Variants in ME1 observed in about 807,000 individuals in gnomAD.
ME1 encodes malic enzyme 1.
ME1 carries 74 observed loss-of-function variants against 66.4 expected under a neutral mutation model. The ratio of observed to expected loss-of-function variants is 1.11; its 90% confidence interval spans 0.92 to 1.35. ME1 has a LOEUF of 1.35. Ranked by LOEUF, ME1 falls within the 40% of genes most tolerant of loss-of-function variation. ME1 has a pLI of 0.00. For synonymous variants in ME1, 251 were observed against 235.6 expected (o/e 1.07, Z -0.60); for missense variants, 750 against 694.1 (o/e 1.08, Z -0.90).
intron 11 of ME1, among the ~76,000 whole-genome samples, chr6:83,225,617 T>G (rs548339998): frequency 4.6e-5 from 7 of 152,156 alleles, no homozygotes; most frequent in Middle Eastern, 3.4e-3. Context: ...GAAAAACAAA[T>G]TCTCATCTAG....
intron 12 of ME1, among the ~76,000 whole-genome samples, chr6:83,217,834 T>A (rs957343358): frequency 6.6e-6 from 1 of 152,002 alleles, no homozygotes; most frequent in Non-Finnish European, 1.5e-5. Context: ...GGTACAGAAA[T>A]AAGGACTGGA....
chr6:83,308,122 T>G (rs1767859413), intron 6 of ME1, among the ~76,000 whole-genome samples: 1 of 152,134 alleles, frequency 6.6e-6, no homozygotes, highest in Non-Finnish European at 1.5e-5. Context: ...ACTAAGATTA[T>G]TTCTCTTAAA....
chr6:83,252,344 A>C (rs1317077371), intron 7 of ME1, among the ~76,000 whole-genome samples: 1 of 151,996 alleles, frequency 6.6e-6, no homozygotes, highest in East Asian at 1.9e-4. Context: ...CACAGGCTGG[A>C]GTGCAGTGGC....
Position 83,253,752 on chromosome 6 carries a change from A to G in ME1, c.705-14T>C. 7.6e-7 allele frequency: 1 copy of G among 1,322,622 alleles called. No individual in the cohort carries two copies. The highest frequency in any genetic ancestry group is 1.1e-6 in the Non-Finnish European group (1 of 919,150). 81.9% of individuals were successfully genotyped at this position (1,322,622 alleles called of 1,614,324 possible). On this transcript the variant is annotated splice_polypyrimidine_tract_variant and intron_variant, in intron 6 of 13. Coordinates refer to ENST00000369705, the MANE Select transcript of ME1 (RefSeq NM_002395.6). Reference sequence around the variant, plus strand: ...TTCATGCCATACCTATGGGACAAAAACATTCATATTAGAAGAGGTTAATAA... The same window carrying G: ...TTCATGCCATACCTATGGGACAAAAGCATTCATATTAGAAGAGGTTAATAA...
At chr6:83,314,324 T>C (rs914433782) in intron 6 of ME1, among the ~76,000 whole-genome samples, 2 of 152,198 alleles carry the variant, frequency 1.3e-5, no homozygotes, top group African/African-American at 2.4e-5. Context: ...AGCGCTGATA[T>C]GATGCCACCA....
intron 6 of ME1, among the ~76,000 whole-genome samples, chr6:83,279,957 G>A (rs1366630024): frequency 2.0e-5 from 3 of 152,170 alleles, no homozygotes; most frequent in African/African-American, 4.8e-5. Flanking sequence ...AGCAAGAAGA[G>A]TGTGGGGTTA....
At position 83,214,428 on chromosome 6, in the gene ME1, C is replaced by T. The variant is rs1489919285; in HGVS notation, c.1548+2070G>A. 4.6e-5 allele frequency among the ~76,000 whole-genome samples: 7 copies of T among 152,056 alleles called. No individual in the cohort carries two copies. The East Asian group carries it at 1.4e-3, about 29-fold the overall frequency. ...AAAGTCTCTGATAACTTGTTAAGTA[C>T]CAAATAAAAGTCTGCATCTGTTTTT... is the stretch of plus-strand genomic sequence containing the variant. On this transcript the variant is annotated intron_variant, in intron 13 of 13. Coordinates refer to ENST00000369705, the MANE Select transcript of ME1 (RefSeq NM_002395.6).
intron 3 of ME1, among the ~76,000 whole-genome samples, chr6:83,387,832 CA>C (rs1273016803): frequency 6.6e-6 from 1 of 151,982 alleles, no homozygotes; most frequent in Admixed American, 6.6e-5. Context: ...TTCTTTTTAA[CA>C]ATTACTTTTG....
At position 83,243,636 on chromosome 6, in the gene ME1, C is replaced by T. The variant is rs191764519; in HGVS notation, c.815-4000G>A. On this transcript the variant is annotated intron_variant, in intron 7 of 13. Coordinates refer to ENST00000369705, the MANE Select transcript of ME1 (RefSeq NM_002395.6). ...ATATCGATATAATCTATTATAATTA[C>T]ATTATATCGATATAATCTATTATAA... Among the ~76,000 whole-genome samples, 58 of 86,302 alleles carry T rather than the reference C, an allele frequency of 6.7e-4. 2 individuals are homozygous for T. The East Asian group carries it at 7.9e-3, about 12-fold the overall frequency. 56.6% of individuals were successfully genotyped at this position (86,302 alleles called of 152,430 possible). A position where few individuals can be genotyped will look rare whatever the true frequency, so the allele number is the denominator to read the frequency against.
At chr6:83,239,226 T>C (rs1027066770) in intron 8 of ME1, among the ~76,000 whole-genome samples, 1 of 152,028 alleles carries the variant, frequency 6.6e-6, no homozygotes, top group African/African-American at 2.4e-5. Flanking sequence ...CTTAAATACA[T>C]AAAAGCTTGC....
intron 3 of ME1, among the ~76,000 whole-genome samples, chr6:83,397,024 T>C (rs887164529): frequency 5.3e-5 from 8 of 152,196 alleles, no homozygotes; most frequent in African/African-American, 1.9e-4. Flanking sequence ...CTTGAAACTA[T>C]AAAACTTCTA....
At chr6:83,349,524 G>A (rs1043128519) in intron 4 of ME1, among the ~76,000 whole-genome samples, 97 of 152,140 alleles carry the variant, frequency 6.4e-4, no homozygotes, top group African/African-American at 2.2e-3. Flanking sequence ...TATGAAATAC[G>A]CAGATTTCTC....
chr6:83,275,405 A>T (rs1291740759), intron 6 of ME1, among the ~76,000 whole-genome samples: 2 of 151,826 alleles, frequency 1.3e-5, no homozygotes, highest in East Asian at 3.9e-4. Flanking sequence ...TATAGTATAA[A>T]CCGAACCATA....
chr6:83,399,653 CT>C, intron 2 of ME1, among the ~76,000 whole-genome samples: 1 of 152,134 alleles, frequency 6.6e-6, no homozygotes, highest in East Asian at 1.9e-4. Flanking sequence ...CCAGAGTTAT[CT>C]TTGTAAATAT....
chr6:83,308,884 G>A (rs777833555), intron 6 of ME1, among the ~76,000 whole-genome samples: 1 of 152,014 alleles, frequency 6.6e-6, no homozygotes, highest in Non-Finnish European at 1.5e-5. Flanking sequence ...AGGCCTTATT[G>A]AGAAAAGGAT....
chr6:83,238,798 A>AT (rs34485190), intron 8 of ME1, among the ~76,000 whole-genome samples: 53,247 of 140,566 alleles, frequency 0.38, 10,694 homozygotes, highest in Middle Eastern at 0.44. Flanking sequence ...GTTTCTTGAA[A>AT]AATATATATA....
At chr6:83,371,142 C>A (rs1769186965) in intron 3 of ME1, among the ~76,000 whole-genome samples, 1 of 152,094 alleles carries the variant, frequency 6.6e-6, no homozygotes, top group African/African-American at 2.4e-5. Flanking sequence ...CTAATAATTT[C>A]ATTTATAATT....
intron 3 of ME1, 127 bp downstream of exon 3, chr6:83,398,240 T>G (rs1308991585): frequency 1.6e-6 from 1 of 636,834 alleles, no homozygotes; most frequent in Non-Finnish European, 2.5e-6. Context: ...GAACATCCTC[T>G]GTACATCATA....
intron 2 of ME1, among the ~76,000 whole-genome samples, chr6:83,400,509 T>G (rs148760053): frequency 3.3e-5 from 5 of 152,176 alleles, no homozygotes; most frequent in African/African-American, 1.2e-4. Flanking sequence ...TCTGAAAGCT[T>G]TCTAACACTC....
Sources: allele counts gnomAD v4.1 joint callset (sites outside exome capture counted in the v4.1 genomes callset), GRCh38; gene constraint gnomAD v4.1.1; transcripts MANE v1.5; gene names NCBI Gene and HGNC (gene_info 2026-07-23, HGNC 2026-07-21).